The following CMC1 variants were observed in gnomAD, a reference collection of about 807,000 sequenced individuals.
CMC1 encodes the protein C-X9-C motif containing 1.
CMC1 carries 14 observed loss-of-function variants against 14.1 expected under a neutral mutation model. That is an observed-to-expected ratio of 0.99 (90% CI 0.66 to 1.55). CMC1 has a LOEUF of 1.55. CMC1 is among the 40% of genes most tolerant of loss of function. The probability of loss-of-function intolerance (pLI) is 0.00; values close to 1 mark genes in which losing one functional copy is unlikely to be tolerated. For synonymous variants in CMC1, 50 were observed against 38.4 expected, an observed-to-expected ratio of 1.30 and a Z score of -1.12; for missense variants, 127 against 123.8, an observed-to-expected ratio of 1.03 and a Z score of -0.12.
intron 2 of CMC1, among the ~76,000 whole-genome samples, chr3:28,267,877 T>C (rs1291439576): frequency 1.3e-5 from 2 of 152,192 alleles, no homozygotes; most frequent in Non-Finnish European, 2.9e-5. Context: ...AAGTAATCAC[T>C]CTTCTGTCCA....
chr3:28,263,328 C>T lies in CMC1; in HGVS notation c.57C>T (p.Ile19=), dbSNP rs779025944. ...GACATGTCGAAAAAGATGTTTTGATCCCTAAAATAATGAGAGAAAAGGCCA... is the reference window on the plus strand; with the variant it reads ...GACATGTCGAAAAAGATGTTTTGATTCCTAAAATAATGAGAGAAAAGGCCA... The part of the protein sequence containing the change: ...HLRHVEKDVL[I]PKIMREKAKE... The change falls in exon 2 of 4, where the codon ATC becomes ATT. Residue 19 remains isoleucine (I), a synonymous_variant. Transcript: ENST00000466830. 6.2e-6 allele frequency: 10 copies of T among 1,607,074 alleles called. No individual in the cohort carries two copies. The highest frequency in any genetic ancestry group is 1.8e-4 in the Middle Eastern group (1 of 5,626).
intron 2 of CMC1, among the ~76,000 whole-genome samples, chr3:28,304,836 A>G (rs537895616): frequency 1.3e-5 from 2 of 152,190 alleles, no homozygotes; most frequent in Non-Finnish European, 2.9e-5. Flanking sequence ...TTTGATTGCC[A>G]CTAACTGCTT....
chr3:28,241,634 AG>A lies in CMC1; in HGVS notation c.-157del, dbSNP rs1371606906. The A allele has an allele frequency of 2.4e-6, 3 of 1,231,814 alleles. No individual in the cohort carries two copies. Among genetic ancestry groups the A allele is most frequent in the East Asian group, 3.2e-5 (1 of 31,662 alleles). The allele number at this position is 1,231,814 out of a possible 1,614,324, so 76.3% of individuals were successfully genotyped here. A position where few individuals can be genotyped will look rare whatever the true frequency, so the allele number is the denominator to read the frequency against. On this transcript the variant is annotated 5_prime_UTR_variant, in exon 1 of 4. Transcript: ENST00000466830. ...CGGAAGTAGGAGCCTGGGAAGGAAG[AG>A]GGAACGGGTCCTGGCGGTGCTTTGC... is the stretch of plus-strand genomic sequence containing the variant.
chr3:28,257,607 C>A (rs1380618750), intron 1 of CMC1, among the ~76,000 whole-genome samples: 1 of 152,142 alleles, frequency 6.6e-6, no homozygotes, highest in African/African-American at 2.4e-5. Flanking sequence ...CAACCTCCGC[C>A]TCCTGGGTTC....
chr3:28,288,356 G>C (rs557331808), intron 2 of CMC1, among the ~76,000 whole-genome samples: 1 of 151,992 alleles, frequency 6.6e-6, no homozygotes, highest in South Asian at 2.1e-4. Context: ...ATATTTTGAC[G>C]TGTGTAAATA....
At chr3:28,300,456 C>T (rs1455644498) in intron 2 of CMC1, among the ~76,000 whole-genome samples, 2 of 152,060 alleles carry the variant, frequency 1.3e-5, no homozygotes, top group Non-Finnish European at 2.9e-5. Context: ...TACTAAACAG[C>T]AATTTAGGGC....
intron 2 of CMC1, among the ~76,000 whole-genome samples, chr3:28,278,463 G>C (rs773410277): frequency 4.6e-5 from 7 of 152,130 alleles, no homozygotes; most frequent in African/African-American, 1.2e-4. Context: ...TAATGTTTTT[G>C]TGCACATTAT....
intron 2 of CMC1, among the ~76,000 whole-genome samples, chr3:28,314,478 T>A (rs993345474): frequency 7.9e-5 from 12 of 152,180 alleles, no homozygotes; most frequent in Non-Finnish European, 5.9e-5. Context: ...GATACTTGAT[T>A]ACGTTTAGAG....
At chr3:28,256,084 G>C (rs964994893) in intron 1 of CMC1, among the ~76,000 whole-genome samples, 3 of 151,942 alleles carry the variant, frequency 2.0e-5, no homozygotes, top group South Asian at 4.1e-4. Context: ...CGCAAGCCCT[G>C]ATAGGTTGTG....
At chr3:28,270,867 G>A (rs1214659159) in intron 2 of CMC1, among the ~76,000 whole-genome samples, 1 of 148,392 alleles carries the variant, frequency 6.7e-6, no homozygotes, top group Non-Finnish European at 1.5e-5. Context: ...TTTTCTTCTA[G>A]TGTATAGTTT....
At chr3:28,255,333 C>T (rs529986100) in intron 1 of CMC1, among the ~76,000 whole-genome samples, 74 of 151,534 alleles carry the variant, frequency 4.9e-4, no homozygotes, top group Non-Finnish European at 8.8e-4. Context: ...CTCCGCCTCC[C>T]GGGTTCAAGC....
chr3:28,316,760 A>T (rs1178415122), intron 3 of CMC1: 3 of 162,654 alleles, frequency 1.8e-5, no homozygotes, highest in African/African-American at 4.8e-5. Context: ...AAGATAACTG[A>T]ATGAAAATAT....
intron 2 of CMC1, among the ~76,000 whole-genome samples, chr3:28,276,783 A>G (rs1700610049): frequency 6.6e-6 from 1 of 152,206 alleles, no homozygotes; most frequent in African/African-American, 2.4e-5. Context: ...CTGTTGGAAA[A>G]ATAACAAAGG....
chr3:28,265,244 A>G (rs964330220), intron 2 of CMC1, among the ~76,000 whole-genome samples: 2 of 152,074 alleles, frequency 1.3e-5, no homozygotes, highest in African/African-American at 4.8e-5. Context: ...ATAGATAATT[A>G]TGTATTGATT....
At chr3:28,319,074 A>G (rs919419237) in intron 3 of CMC1, 2 of 354,508 alleles carry the variant, frequency 5.6e-6, no homozygotes, top group Non-Finnish European at 1.1e-5. Context: ...TTCCTCATCC[A>G]TGTGTCTTCC....
intron 2 of CMC1, among the ~76,000 whole-genome samples, chr3:28,286,581 C>T (rs1701191419): frequency 6.6e-6 from 1 of 152,134 alleles, no homozygotes. Flanking sequence ...GTACCATAGT[C>T]TTCATTGTTG....
chr3:28,257,252 A>G (rs1373200410), intron 1 of CMC1, among the ~76,000 whole-genome samples: 2 of 152,108 alleles, frequency 1.3e-5, no homozygotes, highest in African/African-American at 4.8e-5. Context: ...TTCAGAGAGT[A>G]CCTTTTCAGC....
chr3:28,285,295 A>G (rs191485795), intron 2 of CMC1, among the ~76,000 whole-genome samples: 35 of 152,224 alleles, frequency 2.3e-4, no homozygotes, highest in African/African-American at 8.2e-4. Flanking sequence ...CACAAAATAC[A>G]TATTTTCCTT....
chr3:28,253,298 T>C (rs1051258605), intron 1 of CMC1, among the ~76,000 whole-genome samples: 6 of 152,062 alleles, frequency 3.9e-5, no homozygotes, highest in African/African-American at 1.4e-4. Context: ...GAGGGACCAG[T>C]CGGACGTGGC....
Sources: gnomAD v4.1 joint callset for allele counts (sites outside exome capture counted in the v4.1 genomes callset) on GRCh38, gnomAD v4.1.1 for gene constraint, MANE v1.5 for transcripts, NCBI Gene and HGNC (gene_info 2026-07-23, HGNC 2026-07-21) for gene names.